Variants in ZNF804A observed in about 807,000 individuals in gnomAD.
The protein encoded by ZNF804A is zinc finger protein 804A.
A neutral mutation model predicts 16.5 loss-of-function variants in ZNF804A; 2 were observed. The observed-to-expected ratio is 0.12, with a 90% CI of 0.05 to 0.38. The LOEUF (loss-of-function observed/expected upper bound fraction) is 0.38, where lower values mean the gene tolerates loss of function less well. Ranked by LOEUF, ZNF804A falls within the 10% of genes least tolerant of loss-of-function variation. ZNF804A has a pLI of 0.99. For synonymous variants in ZNF804A, 534 were observed against 489.6 expected (o/e 1.09, Z -1.20); for missense variants, 1,473 against 1,390.7 (o/e 1.06, Z -0.94).
At chr2:184,614,863 A>C (rs1240073573) in intron 1 of ZNF804A, among the ~76,000 whole-genome samples, 4 of 152,168 alleles carry the variant, frequency 2.6e-5, no homozygotes, top group African/African-American at 9.6e-5. Context: ...TTAGAATGGC[A>C]ATCATTAAAA....
chr2:184,923,150 A>G (rs1161795039), intron 2 of ZNF804A, among the ~76,000 whole-genome samples: 1 of 152,048 alleles, frequency 6.6e-6, no homozygotes, highest in Non-Finnish European at 1.5e-5. Context: ...TAGTATGTAC[A>G]TTTTAACAAT....
At chr2:184,659,817 A>G (rs1000811832) in intron 1 of ZNF804A, among the ~76,000 whole-genome samples, 2 of 152,248 alleles carry the variant, frequency 1.3e-5, no homozygotes, top group Admixed American at 6.5e-5. Context: ...TAAAAAATGT[A>G]TAAGTAGAAA....
chr2:184,691,457 TTTTA>T (rs141627847), intron 1 of ZNF804A, among the ~76,000 whole-genome samples: 2,159 of 151,666 alleles, frequency 0.014, 61 homozygotes, highest in African/African-American at 0.049. Context: ...TACAACTTGA[TTTTA>T]TTTACTATTT....
rs145244178 is a variant in ZNF804A, at chr2:184,904,384, C to T, written c.256-29219C>T. ...AACAAAGCTTTGTTAGAACTTAGTC[C>T]CATACTGTCAACCATTGTCAGGTGG... On this transcript the variant is annotated intron_variant, in intron 2 of 3. Transcript: ENST00000302277. Among the ~76,000 whole-genome samples, 160 of 151,992 alleles carry T rather than the reference C, an allele frequency of 1.1e-3. 3 individuals are homozygous for T. In the East Asian group the frequency reaches 0.015, roughly 14 times the overall value.
At chr2:184,707,717 T>C (rs1297153136) in intron 1 of ZNF804A, among the ~76,000 whole-genome samples, 2 of 152,138 alleles carry the variant, frequency 1.3e-5, no homozygotes, top group Admixed American at 1.3e-4. Flanking sequence ...GATTTTCATA[T>C]CTTTGTTATT....
At chr2:184,720,431 T>C (rs1204380348) in intron 1 of ZNF804A, among the ~76,000 whole-genome samples, 1 of 152,068 alleles carries the variant, frequency 6.6e-6, no homozygotes, top group Non-Finnish European at 1.5e-5. Context: ...AAAATCAACA[T>C]ACAAAAACCA....
At position 184,937,150 on chromosome 2, in the gene ZNF804A, C is replaced by G. The variant is rs373736637; in HGVS notation, c.1754C>G (p.Thr585Ser). 200 of 1,603,030 alleles carry G rather than the reference C, an allele frequency of 1.2e-4. No homozygotes were observed. Among genetic ancestry groups the G allele is most frequent in the Middle Eastern group, 6.7e-4 (4 of 5,964 alleles). ...EKYNKIRLKE[T>S]HEYWFHKSRR... is the part of the protein sequence containing the mutation. ...TACAACAAAATAAGGTTGAAAGAGA[C>G]CCATGAATACTGGTTCCATAAAAGT... The change falls in exon 4 of 4, where the codon ACC becomes AGC. Residue 585 changes from threonine to serine, a missense_variant. Physicochemically the swap from Thr to Ser is moderately conservative, Grantham distance 58. Coordinates refer to ENST00000302277, the MANE Select transcript of ZNF804A (RefSeq NM_194250.2).
At chr2:184,662,549 T>A (rs1342486114) in intron 1 of ZNF804A, among the ~76,000 whole-genome samples, 1 of 152,214 alleles carries the variant, frequency 6.6e-6, no homozygotes, top group Non-Finnish European at 1.5e-5. Flanking sequence ...AGTATTTGCT[T>A]ATTACTTATC....
chr2:184,608,597 A>C (rs1056238719), intron 1 of ZNF804A, among the ~76,000 whole-genome samples: 1 of 152,174 alleles, frequency 6.6e-6, no homozygotes, highest in African/African-American at 2.4e-5. Context: ...CTTGTCTGAC[A>C]TTAGTGTATC....
At chr2:184,633,870 T>C (rs1448504389) in intron 1 of ZNF804A, among the ~76,000 whole-genome samples, 2 of 152,210 alleles carry the variant, frequency 1.3e-5, no homozygotes, top group Non-Finnish European at 2.9e-5. Flanking sequence ...AGTGTGTTCA[T>C]ATGACCATAT....
chr2:184,774,474 G>A (rs1640236346), intron 1 of ZNF804A, among the ~76,000 whole-genome samples: 1 of 151,744 alleles, frequency 6.6e-6, no homozygotes, highest in Non-Finnish European at 1.5e-5. Flanking sequence ...TCTTGTCTGG[G>A]AAAAAGTGGA....
intron 1 of ZNF804A, among the ~76,000 whole-genome samples, chr2:184,857,764 A>T (rs1465443943): frequency 1.3e-5 from 2 of 152,182 alleles, no homozygotes; most frequent in African/African-American, 4.8e-5. Flanking sequence ...AGCCTGTCTT[A>T]TCTAAGTATA....
intron 1 of ZNF804A, among the ~76,000 whole-genome samples, chr2:184,654,710 T>C (rs982034963): frequency 5.3e-5 from 8 of 152,158 alleles, no homozygotes; most frequent in East Asian, 1.9e-4. Flanking sequence ...TTTGAGAAGA[T>C]AGCAGCTATG....
At chr2:184,763,844 G>A (rs1385414678) in intron 1 of ZNF804A, among the ~76,000 whole-genome samples, 3 of 151,212 alleles carry the variant, frequency 2.0e-5, no homozygotes, top group Non-Finnish European at 3.0e-5. Flanking sequence ...GGGTTTCACC[G>A]TGTTAGCCAA....
intron 1 of ZNF804A, among the ~76,000 whole-genome samples, chr2:184,618,258 A>G (rs1691358026): frequency 6.6e-6 from 1 of 152,120 alleles, no homozygotes; most frequent in Non-Finnish European, 1.5e-5. Flanking sequence ...TATTTTTGGT[A>G]TAAACATCTG....
intron 2 of ZNF804A, among the ~76,000 whole-genome samples, chr2:184,926,812 GT>G (rs1401484974): frequency 6.6e-6 from 1 of 152,024 alleles, no homozygotes; most frequent in Non-Finnish European, 1.5e-5. Flanking sequence ...GCATTCTTTA[GT>G]TTGCCAATTG....
intron 1 of ZNF804A, among the ~76,000 whole-genome samples, chr2:184,764,298 T>A (rs1417877419): frequency 6.6e-6 from 1 of 152,184 alleles, no homozygotes; most frequent in Admixed American, 6.5e-5. Flanking sequence ...ATATTTTGAT[T>A]AGGTGGTCAT....
intron 1 of ZNF804A, among the ~76,000 whole-genome samples, chr2:184,697,732 C>G (rs1692855683): frequency 6.6e-6 from 1 of 151,986 alleles, no homozygotes; most frequent in South Asian, 2.1e-4. Flanking sequence ...CACACAAAAT[C>G]AAGCACTTGT....
At chr2:184,792,260 C>T (rs1281220596) in intron 1 of ZNF804A, among the ~76,000 whole-genome samples, 9 of 152,164 alleles carry the variant, frequency 5.9e-5, no homozygotes, top group Admixed American at 1.3e-4. Flanking sequence ...TCAATCGTGG[C>T]TGTACCATCT....
Sources: allele counts gnomAD v4.1 joint callset (sites outside exome capture counted in the v4.1 genomes callset), GRCh38; gene constraint gnomAD v4.1.1; transcripts MANE v1.5; gene names NCBI Gene and HGNC (gene_info 2026-07-23, HGNC 2026-07-21).